Variants in RFC3 observed in about 807,000 individuals in gnomAD.
The protein encoded by RFC3 is A1 38 kDa subunit.
RFC3 carries 41 observed loss-of-function variants against 45.1 expected under a neutral mutation model. The ratio of observed to expected loss-of-function variants is 0.91; its 90% CI spans 0.71 to 1.18. The LOEUF (loss-of-function observed/expected upper bound fraction) is 1.18. Among genes scored for constraint, RFC3 ranks in the 50% most tolerant of loss-of-function variants. The pLI is 0.00. For missense variants in RFC3, 423 were observed against 428.1 expected, an observed-to-expected ratio of 0.99 and a Z score of 0.10; for synonymous variants, 149 against 144.0, an observed-to-expected ratio of 1.03 and a Z score of -0.25.
intron 8 of RFC3, among the ~76,000 whole-genome samples, chr13:33,931,654 G>C (rs1173936316): frequency 6.9e-6 from 1 of 144,564 alleles, no homozygotes; most frequent in Admixed American, 7.1e-5. Flanking sequence ...TGTGTATAAG[G>C]TACATGACCA....
chr13:33,888,552 G>A (rs2082542087), intron 8 of RFC3, among the ~76,000 whole-genome samples: 1 of 152,116 alleles, frequency 6.6e-6, no homozygotes, highest in African/African-American at 2.4e-5. Context: ...TGATATTCCT[G>A]TATACAATAG....
At chr13:33,924,892 T>C (rs2082793597) in intron 8 of RFC3, among the ~76,000 whole-genome samples, 1 of 150,620 alleles carries the variant, frequency 6.6e-6, no homozygotes, top group Non-Finnish European at 1.5e-5. Flanking sequence ...AGAAATTAGA[T>C]CTTAAATGTT....
At chr13:33,843,584 A>G (rs866613840) in intron 8 of RFC3, among the ~76,000 whole-genome samples, 5 of 152,210 alleles carry the variant, frequency 3.3e-5, no homozygotes, top group Non-Finnish European at 7.4e-5. Flanking sequence ...TCTCTAGAAT[A>G]ACATTAAGTA....
intron 8 of RFC3, among the ~76,000 whole-genome samples, chr13:33,900,759 A>T (rs547476803): frequency 1.3e-5 from 2 of 152,060 alleles, no homozygotes; most frequent in East Asian, 3.9e-4. Flanking sequence ...AGAATGGGAG[A>T]AAATATTTGA....
At chr13:33,927,649 T>C (rs2082822663) in intron 8 of RFC3, among the ~76,000 whole-genome samples, 1 of 152,130 alleles carries the variant, frequency 6.6e-6, no homozygotes, top group South Asian at 2.1e-4. Flanking sequence ...ATCATGGCCC[T>C]GGCTCCATTT....
At chr13:33,898,632 G>T (rs1428499149) in intron 8 of RFC3, among the ~76,000 whole-genome samples, 1 of 151,706 alleles carries the variant, frequency 6.6e-6, no homozygotes, top group South Asian at 2.1e-4. Flanking sequence ...TCTGAAATTA[G>T]TAGATGAAAA....
chr13:33,907,500 A>AATACT (rs1320993040), intron 8 of RFC3, among the ~76,000 whole-genome samples: 1 of 152,108 alleles, frequency 6.6e-6, no homozygotes, highest in African/African-American at 2.4e-5. Flanking sequence ...TATACCTGAA[A>AATACT]ATACTTTTCT....
chr13:33,879,751 G>A (rs1018037383), intron 8 of RFC3, among the ~76,000 whole-genome samples: 2 of 152,062 alleles, frequency 1.3e-5, no homozygotes, highest in African/African-American at 2.4e-5. Context: ...TCTACATATC[G>A]CTTATCTTTT....
At chr13:33,902,505 A>C (rs978035905) in intron 8 of RFC3, among the ~76,000 whole-genome samples, 6 of 152,106 alleles carry the variant, frequency 3.9e-5, no homozygotes, top group African/African-American at 1.4e-4. Context: ...AGTAAAGCCT[A>C]TTGATAATTG....
intron 8 of RFC3, among the ~76,000 whole-genome samples, chr13:33,954,215 G>A (rs779393431): frequency 2.6e-5 from 4 of 152,020 alleles, no homozygotes; most frequent in Non-Finnish European, 5.9e-5. Context: ...ACAGATTTTG[G>A]GGGAAAAGAA....
At chr13:33,862,225 G>A (rs1312373506) in intron 8 of RFC3, among the ~76,000 whole-genome samples, 1 of 149,508 alleles carries the variant, frequency 6.7e-6, no homozygotes, top group African/African-American at 2.5e-5. Flanking sequence ...TGAAGAATTA[G>A]GTCTGGTAAT....
At chr13:33,883,514 A>G (rs983342446) in intron 8 of RFC3, among the ~76,000 whole-genome samples, 13 of 152,240 alleles carry the variant, frequency 8.5e-5, no homozygotes, top group African/African-American at 3.1e-4. Context: ...ACACACACAC[A>G]TACACACACA....
At position 33,830,004 on chromosome 13, in the gene RFC3, C is replaced by G; in HGVS notation, c.560C>G (p.Pro187Arg). 1 of 1,613,782 alleles carries G rather than the reference C, an allele frequency of 6.2e-7. No homozygotes were observed. Among genetic ancestry groups the G allele is most frequent in the African/African-American group, 1.3e-5 (1 of 74,998 alleles). The change falls in exon 5 of 9, where the codon CCC becomes CGC. Residue 187 changes from proline (P) to arginine (R), a missense_variant. Physicochemically the swap from Pro to Arg is moderately radical, Grantham distance 103. Coordinates refer to ENST00000380071, the MANE Select transcript of RFC3 (RefSeq NM_002915.4). Reference sequence around the variant, plus strand: ...TGCTTGGCGGTTCGTGTGCCTGCTCCCAGCATTGAAGATGTAGGTCAAGTT... The same window carrying G: ...TGCTTGGCGGTTCGTGTGCCTGCTCGCAGCATTGAAGATGTAGGTCAAGTT... Reference protein sequence around the residue: ...SRCLAVRVPAPSIEDICHVLS... With the variant: ...SRCLAVRVPARSIEDICHVLS...
At chr13:33,952,169 A>G (rs1336801845) in intron 8 of RFC3, among the ~76,000 whole-genome samples, 2 of 152,248 alleles carry the variant, frequency 1.3e-5, no homozygotes, top group Non-Finnish European at 2.9e-5. Flanking sequence ...TTTTCTCAGC[A>G]AGCAGTCAAT....
At chr13:33,891,123 T>G (rs1256470364) in intron 8 of RFC3, among the ~76,000 whole-genome samples, 4 of 152,202 alleles carry the variant, frequency 2.6e-5, no homozygotes, top group Non-Finnish European at 4.4e-5. Context: ...CCACGTTTAG[T>G]GGTTGTAAAA....
intron 8 of RFC3, among the ~76,000 whole-genome samples, chr13:33,925,083 G>T (rs377484752): frequency 1.5e-5 from 2 of 137,322 alleles, no homozygotes; most frequent in Non-Finnish European, 3.1e-5. Context: ...CTATATACAC[G>T]CATATATAGT....
At chr13:33,942,786 T>C (rs1254883288) in intron 8 of RFC3, among the ~76,000 whole-genome samples, 6 of 152,128 alleles carry the variant, frequency 3.9e-5, no homozygotes, top group Admixed American at 3.9e-4. Flanking sequence ...GCTGTATACT[T>C]GTAGTCAATT....
At chr13:33,952,407 G>T (rs1311527482) in intron 8 of RFC3, among the ~76,000 whole-genome samples, 2 of 149,320 alleles carry the variant, frequency 1.3e-5, no homozygotes, top group African/African-American at 2.5e-5. Context: ...CACATACTTT[G>T]GAATCTGAAA....
intron 8 of RFC3, among the ~76,000 whole-genome samples, chr13:33,949,575 C>T (rs2082975973): frequency 6.6e-6 from 1 of 152,172 alleles, no homozygotes; most frequent in Non-Finnish European, 1.5e-5. Context: ...GAGTGCTTTT[C>T]CTCATGACAT....
Sources: gnomAD v4.1 joint callset for allele counts (sites outside exome capture counted in the v4.1 genomes callset) on GRCh38, gnomAD v4.1.1 for gene constraint, MANE v1.5 for transcripts, NCBI Gene and HGNC (gene_info 2026-07-23, HGNC 2026-07-21) for gene names.